Variants in DENND1A observed in about 807,000 individuals in gnomAD.
The protein encoded by DENND1A is DENN domain containing 1A, also known as DENN domain-containing protein 1A.
DENND1A carries 51 observed loss-of-function variants against 113.7 expected under a neutral mutation model. The observed-to-expected ratio is 0.45, with a 90% CI of 0.36 to 0.57. DENND1A has a LOEUF of 0.57. Ranked by LOEUF, DENND1A falls within the 20% of genes least tolerant of loss-of-function variation. The pLI is 0.00. For synonymous variants in DENND1A, 565 were observed against 570.8 expected, an observed-to-expected ratio of 0.99 and a Z score of 0.14; for missense variants, 1,258 against 1,395.9, an observed-to-expected ratio of 0.90 and a Z score of 1.57.
intron 2 of DENND1A, among the ~76,000 whole-genome samples, chr9:123,863,607 A>T (rs1443412865): frequency 2.0e-5 from 3 of 152,218 alleles, no homozygotes; most frequent in Non-Finnish European, 4.4e-5. Context: ...TAAAAAAAAA[A>T]AAAACAACTT....
At chr9:123,550,678 G>C (rs2135861670) in intron 13 of DENND1A, among the ~76,000 whole-genome samples, 1 of 152,188 alleles carries the variant, frequency 6.6e-6, no homozygotes, top group Admixed American at 6.5e-5. Flanking sequence ...TTTCGAGGGG[G>C]GTGTATTAGC....
Position 123,678,381 on chromosome 9 carries a change from G to A in DENND1A, c.303-1592C>T, listed in dbSNP as rs150550143. Among the ~76,000 whole-genome samples, 184 of 152,272 alleles carry A rather than the reference G, an allele frequency of 1.2e-3. 1 individual carries two copies. The East Asian group carries it at 0.022, about 18-fold the overall frequency. On this transcript the variant is annotated intron_variant, in intron 5 of 23. Transcript: ENST00000394215. The stretch of plus-strand genomic sequence containing the variant: ...AGCAGTTTTGCCACTTACTTTCAAC[G>A]GCTTTGTTCTCTAGAAGGAAATTTT...
chr9:123,391,507 T>TG (rs1223563058), intron 21 of DENND1A, among the ~76,000 whole-genome samples: 1 of 152,166 alleles, frequency 6.6e-6, no homozygotes, highest in African/African-American at 2.4e-5. Flanking sequence ...AGCTAGGAAC[T>TG]GAATGTGGAT....
At chr9:123,745,287 G>A (rs1485659989) in intron 5 of DENND1A, among the ~76,000 whole-genome samples, 2 of 152,148 alleles carry the variant, frequency 1.3e-5, no homozygotes, top group East Asian at 1.9e-4. Flanking sequence ...CAACTCCAGG[G>A]ACTGCCTCTT....
At chr9:123,538,823 T>C (rs1199284979) in intron 13 of DENND1A, among the ~76,000 whole-genome samples, 13 of 84,422 alleles carry the variant, frequency 1.5e-4, no homozygotes, top group Admixed American at 3.5e-4. Context: ...TATATATATA[T>C]ATATATATAT....
chr9:123,838,589 T>G (rs780623388), intron 2 of DENND1A, among the ~76,000 whole-genome samples: 5 of 152,144 alleles, frequency 3.3e-5, no homozygotes, highest in Non-Finnish European at 7.4e-5. Context: ...TTAGTAACAA[T>G]AGATCAGACC....
intron 2 of DENND1A, among the ~76,000 whole-genome samples, chr9:123,817,350 G>A (rs909851830): frequency 3.9e-5 from 6 of 152,150 alleles, no homozygotes; most frequent in Admixed American, 2.6e-4. Flanking sequence ...AGATAAATGT[G>A]TTGGTCCACA....
intron 19 of DENND1A, among the ~76,000 whole-genome samples, chr9:123,420,756 C>T (rs1394073616): frequency 2.6e-5 from 4 of 151,342 alleles, no homozygotes; most frequent in Admixed American, 2.0e-4. Context: ...GCAAAGAGCT[C>T]GGCTGACGGG....
intron 22 of DENND1A, among the ~76,000 whole-genome samples, 191 bp downstream of exon 22, chr9:123,387,539 C>T (rs924594275): frequency 3.0e-4 from 46 of 152,300 alleles, no homozygotes; most frequent in East Asian, 9.6e-4. Flanking sequence ...GCTGGCAAAA[C>T]GGATGCCCTG....
chr9:123,535,616 A>G (rs7026921), intron 13 of DENND1A, among the ~76,000 whole-genome samples: 57,132 of 152,048 alleles, frequency 0.38, 11,728 homozygotes, highest in African/African-American at 0.55. Flanking sequence ...TGTCTACCTC[A>G]GGTTTCTGTA....
At position 123,652,035 on chromosome 9, in the gene DENND1A, A is replaced by G. The variant is rs1564887867; in HGVS notation, c.596T>C (p.Ile199Thr). ...CACAGTGCTGAGTTTGCTGCAAATG[A>G]TGAGTATCCGGCGTTCGTACAGCAT... is the stretch of plus-strand genomic sequence containing the variant. ...ASMLYERRIL[I>T]ICSKLSTLTA... is the part of the protein sequence containing the mutation. The change falls in exon 9 of 24, where the codon ATC (isoleucine) becomes ACC (threonine). Residue 199 changes from isoleucine to threonine, a missense_variant. Physicochemically the swap from Ile to Thr is moderately conservative, Grantham distance 89. Around this residue, in one of 2 missense-constraint regions of DENND1A, gnomAD observed 1,159 missense variants for 1,231.7 expected, o/e 0.94. Coordinates refer to ENST00000394215, the MANE Select transcript of DENND1A (RefSeq NM_001352964.2). 6.2e-7 allele frequency: 1 copy of G among 1,614,148 alleles called. No homozygotes were observed. Among genetic ancestry groups the G allele is most frequent in the Non-Finnish European group, 8.5e-7 (1 of 1,180,006 alleles).
chr9:123,676,798 A>G lies in DENND1A; in HGVS notation c.303-9T>C. On this transcript the variant is annotated splice_polypyrimidine_tract_variant and intron_variant, in intron 5 of 23. Transcript: ENST00000394215. ...CGAACCAGGGGAGATAGCTGGAGGA[A>G]GAAGAGGAAACACATGAAATATTAG... The G allele has an allele frequency of 1.2e-6, 2 of 1,613,362 alleles. No homozygotes were observed. Among genetic ancestry groups the G allele is most frequent in the South Asian group, 2.2e-5 (2 of 91,082 alleles).
At chr9:123,628,914 CAT>C (rs1307942439) in intron 10 of DENND1A, among the ~76,000 whole-genome samples, 9 of 152,172 alleles carry the variant, frequency 5.9e-5, no homozygotes, top group Admixed American at 1.3e-4. Flanking sequence ...ATAAGAAAGA[CAT>C]ATAATAAAGA....
At chr9:123,426,985 A>G (rs995092430) in intron 19 of DENND1A, among the ~76,000 whole-genome samples, 4 of 152,344 alleles carry the variant, frequency 2.6e-5, no homozygotes, top group African/African-American at 9.6e-5. Flanking sequence ...CTTGAAGCAG[A>G]TAAAAAGCAA....
At chr9:123,567,471 A>G (rs2058117693) in intron 12 of DENND1A, among the ~76,000 whole-genome samples, 1 of 152,220 alleles carries the variant, frequency 6.6e-6, no homozygotes, top group Non-Finnish European at 1.5e-5. Context: ...TCAAGAACAA[A>G]ATGGACTGCA....
intron 2 of DENND1A, among the ~76,000 whole-genome samples, chr9:123,830,378 T>C (rs1274775364): frequency 6.6e-6 from 1 of 152,120 alleles, no homozygotes; most frequent in Non-Finnish European, 1.5e-5. Context: ...GAAGAGTATA[T>C]GGGAAACTGA....
intron 5 of DENND1A, among the ~76,000 whole-genome samples, chr9:123,706,640 G>A (rs1459246779): frequency 3.3e-5 from 5 of 151,230 alleles, no homozygotes; most frequent in African/African-American, 4.9e-5. Context: ...GCGTGGTGGC[G>A]GGCGCCTGTC....
At chr9:123,676,230 C>G (rs1487198928) in intron 6 of DENND1A, among the ~76,000 whole-genome samples, 1 of 152,094 alleles carries the variant, frequency 6.6e-6, no homozygotes, top group Non-Finnish European at 1.5e-5. Context: ...TTTTCAGACC[C>G]CTACAAAAGT....
At chr9:123,383,379 G>A (rs1588246595) in intron 23 of DENND1A, among the ~76,000 whole-genome samples, 1 of 152,326 alleles carries the variant, frequency 6.6e-6, no homozygotes, top group African/African-American at 2.4e-5. Flanking sequence ...GGTGCGAGGA[G>A]AGTGGCTGGC....
Sources: gnomAD v4.1 joint callset for allele counts (sites outside exome capture counted in the v4.1 genomes callset) on GRCh38, gnomAD v4.1.1 for gene constraint, gnomAD v4.1.1 regional missense constraint, MANE v1.5 for transcripts, NCBI Gene and HGNC (gene_info 2026-07-23, HGNC 2026-07-21) for gene names.